TTC16: variants seen among roughly 807,000 people sequenced by gnomAD.
The protein encoded by TTC16 is tetratricopeptide repeat protein 16.
A neutral mutation model predicts 80.4 loss-of-function variants in TTC16; 66 were observed. That is an observed-to-expected ratio of 0.82 (90% CI 0.67 to 1.01). TTC16 has a LOEUF of 1.01. Among genes scored for constraint, TTC16 ranks in the 50% least tolerant of loss-of-function variants. The pLI, the probability that TTC16 is intolerant of heterozygous loss-of-function variation, is 0.00. For synonymous variants in TTC16, 438 were observed against 451.3 expected (o/e 0.97, Z 0.37); for missense variants, 1,070 against 1,103.2 (o/e 0.97, Z 0.43).
chr9:127,727,230 C>A (rs375908695), intron 11 of TTC16, 40 bp from the exon 12 acceptor site: 9 of 1,533,982 alleles, frequency 5.9e-6, no homozygotes, highest in Non-Finnish European at 7.9e-6. Flanking sequence ...CCAGCATGGG[C>A]CAGGGAGACT....
In TTC16 at chr9:127,716,157, G is replaced by A. The variant is rs1842987021; in HGVS notation, c.12G>A (p.Ser4=). 6.2e-7 allele frequency: 1 copy of A among 1,613,946 alleles called. No homozygotes were observed. Among genetic ancestry groups the A allele is most frequent in the Non-Finnish European group, 8.5e-7 (1 of 1,180,012 alleles). The change falls in exon 1 of 14, where the codon TCG becomes TCA. Residue 4 remains serine (S), a synonymous_variant. Transcript: ENST00000373289. ...CTGGAAGGGGCCTCATGACAGATTCGGACGAGGTGCGGGCTTGGGAGAAGA... is the reference window on the plus strand; with the variant it reads ...CTGGAAGGGGCCTCATGACAGATTCAGACGAGGTGCGGGCTTGGGAGAAGA... MTD[S]DEDALKVDQG...
In TTC16 at chr9:127,730,714, C is replaced by T. The variant is rs1844346954; in HGVS notation, c.1931C>T (p.Thr644Ile). The T allele has an allele frequency of 5.6e-6, 9 of 1,613,542 alleles. No homozygotes were observed. Among genetic ancestry groups the T allele is most frequent in the Non-Finnish European group, 7.6e-6 (9 of 1,180,038 alleles). ...EYRSTSATAV[T>I]FSDSSLLKTQ... ...AGGAGCACCTCAGCCACCGCCGTGA[C>T]ATTCTCTGACTCGTCACTGTTGAAG... The change falls in exon 14 of 14, where the codon ACA (threonine) becomes ATA (isoleucine). Residue 644 changes from threonine (T) to isoleucine (I), a missense_variant. Transcript: ENST00000373289.
At chr9:127,725,640 C>T (rs186319489) in intron 9 of TTC16, among the ~76,000 whole-genome samples, 8 of 151,226 alleles carry the variant, frequency 5.3e-5, no homozygotes, top group Non-Finnish European at 7.4e-5. Context: ...CACTCTGTTG[C>T]CCAGACTGGA....
rs187424625 is a variant in TTC16, at chr9:127,718,419, T to C, written c.426+647T>C. Among the ~76,000 whole-genome samples the C allele has an allele frequency of 7.5e-4, 114 of 152,218 alleles. No homozygotes were observed. The highest frequency in any genetic ancestry group is 1.3e-3 in the Non-Finnish European group (90 of 68,002). On this transcript the variant is annotated intron_variant, in intron 4 of 13. Coordinates refer to ENST00000373289, the MANE Select transcript of TTC16 (RefSeq NM_144965.3). This position sits in a 1 kb window ranked among gnomAD's most constrained non-coding sequence, Gnocchi z 4.6. ...TTTTATTTTAATTAATTTAAATGTG[T>C]ATAGCCACACAAAGCTAGTGGCTAT...
intron 12 of TTC16, 158 bp downstream of exon 12, chr9:127,727,623 A>T: frequency 1.4e-6 from 2 of 1,389,348 alleles, no homozygotes; most frequent in Non-Finnish European, 1.9e-6. Flanking sequence ...TTGCTATGAG[A>T]TGGGGATGGT....
At position 127,717,345 on chromosome 9, in the gene TTC16, G is replaced by A; in HGVS notation, c.203G>A (p.Gly68Asp). Residue 68 changes from glycine to aspartate, a missense_variant, in exon 3 of 14, where the codon GGC (glycine) becomes GAC (aspartate). Transcript: ENST00000373289. ...CACTTTCCCCACAGCTACTCCAGAG[G>A]CCAGCAGTGCTTGGAGCAGGCAGAC... ...PLKVREYYSR[G>D]QQCLEQADWE... 6.2e-7 allele frequency: 1 copy of A among 1,611,144 alleles called. No homozygotes were observed. The highest frequency in any genetic ancestry group is 1.1e-5 in the South Asian group (1 of 91,078).
Position 127,729,688 on chromosome 9 carries a change from G to A in TTC16, c.1852+20G>A, listed in dbSNP as rs370229993. On this transcript the variant is annotated intron_variant, in intron 13 of 13. Transcript: ENST00000373289. ...TGAGCTGTAAGTCCCTGGTGCTTCCGCCAGGCCTCAGGAAGCTAAGGCAGC... is the reference window on the plus strand; with the variant it reads ...TGAGCTGTAAGTCCCTGGTGCTTCCACCAGGCCTCAGGAAGCTAAGGCAGC... 4.5e-5 allele frequency: 72 copies of A among 1,608,332 alleles called. No homozygotes were observed. Among genetic ancestry groups the A allele is most frequent in the South Asian group, 7.7e-5 (7 of 91,000 alleles).
In TTC16 at chr9:127,729,828, C is replaced by T. The variant is rs534493223; in HGVS notation, c.1852+160C>T. ...CTCTAGAGCGGGAGTAACACTGTTG[C>T]GGGGCTGCCCAGGACGAGGTGAGGC... is the stretch of plus-strand genomic sequence containing the variant. On this transcript the variant is annotated intron_variant, in intron 13 of 13. Transcript: ENST00000373289. The T allele has an allele frequency of 5.1e-4, 323 of 631,636 alleles. 3 individuals carry two copies. The Middle Eastern group carries it at 8.5e-3, about 17-fold the overall frequency. 39.1% of individuals were successfully genotyped at this position (631,636 alleles called of 1,614,324 possible). A position where few individuals can be genotyped will look rare whatever the true frequency, so the allele number is the denominator to read the frequency against.
intron 7 of TTC16, among the ~76,000 whole-genome samples, chr9:127,723,884 C>T (rs1843687666): frequency 7.1e-6 from 1 of 141,164 alleles, no homozygotes. Context: ...CACCTGGCTC[C>T]CAAAAAAGAA....
chr9:127,726,773 G>A (rs1271430199), intron 10 of TTC16, among the ~76,000 whole-genome samples, 197 bp from the exon 11 acceptor site: 1 of 138,586 alleles, frequency 7.2e-6, no homozygotes, highest in Non-Finnish European at 1.5e-5. Flanking sequence ...GGGCGATAGA[G>A]TGAGACTCTG....
chr9:127,729,335 A>C, intron 12 of TTC16: 1 of 466,812 alleles, frequency 2.1e-6, no homozygotes, highest in South Asian at 2.6e-5. Context: ...CAGTTGAAAA[A>C]AACCAAGGCG....
intron 4 of TTC16, 36 bp from the exon 5 acceptor site, chr9:127,720,042 G>T (rs768173077): frequency 6.3e-7 from 1 of 1,599,450 alleles, no homozygotes; most frequent in African/African-American, 1.3e-5. Context: ...CTGGGCTGGG[G>T]TGGCAAGCAG....
At position 127,717,423 on chromosome 9, in the gene TTC16, T is replaced by C. The variant is rs940456590; in HGVS notation, c.281T>C (p.Leu94Pro). ...FSRALHLDPQ[L>P]VDFYALRAEA... ...CGCGCACTCCACCTGGACCCACAGC[T>C]GGTGAGAGGCAGACCTGGGTGGGCA... is the stretch of plus-strand genomic sequence containing the variant. Residue 94 changes from leucine (L) to proline (P), a missense_variant and splice_region_variant, in exon 3 of 14, where the codon CTG becomes CCG. Leu to Pro is a moderately conservative substitution (Grantham distance 98, BLOSUM62 -3). Coordinates refer to ENST00000373289, the MANE Select transcript of TTC16 (RefSeq NM_144965.3). The C allele has an allele frequency of 1.2e-6, 2 of 1,611,826 alleles. No individual in the cohort carries two copies. Among genetic ancestry groups the C allele is most frequent in the African/African-American group, 2.7e-5 (2 of 74,920 alleles).
At chr9:127,727,617 T>A in intron 12 of TTC16, 152 bp downstream of exon 12, 1 of 1,397,924 alleles carries the variant, frequency 7.2e-7, no homozygotes, top group Non-Finnish European at 9.3e-7. Flanking sequence ...GACATCTTGC[T>A]ATGAGATGGG....
intron 12 of TTC16, chr9:127,728,207 G>T (rs1015028498): frequency 5.9e-5 from 9 of 152,176 alleles, no homozygotes; most frequent in Admixed American, 4.6e-4. Context: ...AGCCCCTTGG[G>T]GCCCCCTTCG....
Position 127,731,298 on chromosome 9 carries a change from C to G in TTC16, c.2515C>G (p.Gln839Glu), listed in dbSNP as rs762740669. ...GGCTGAGGGTGCCCAGGGCAAGAGC[C>G]AGGGCATGAGCTCAACTTCCAGCAA... ...SKAEGAQGKS[Q>E]GMSSTSSKAE... is the part of the protein sequence containing the mutation. The change falls in exon 14 of 14, where the codon CAG becomes GAG. Residue 839 changes from glutamine to glutamate, a missense_variant. Transcript: ENST00000373289. 9 of 1,613,104 alleles carry G rather than the reference C, an allele frequency of 5.6e-6. No individual in the cohort carries two copies. The highest frequency in any genetic ancestry group is 7.6e-6 in the Non-Finnish European group (9 of 1,180,048).
intron 1 of TTC16, chr9:127,716,488 C>T (rs1308254537): frequency 3.7e-6 from 2 of 539,124 alleles, no homozygotes; most frequent in Non-Finnish European, 6.7e-6. Flanking sequence ...CTGTAGGACC[C>T]CCAAGGCCTG....
chr9:127,727,374 C>T lies in TTC16; in HGVS notation c.1673C>T (p.Thr558Ile). 1.9e-6 allele frequency: 3 copies of T among 1,611,436 alleles called. No individual in the cohort carries two copies. In the African/African-American group the frequency reaches 4.0e-5, roughly 21 times the overall value. ...LIATSEELKATPEIPQVKPGS... is the reference protein window; with the variant it reads ...LIATSEELKAIPEIPQVKPGS... ...GCGACCTCCGAGGAGCTGAAGGCCA[C>T]CCCTGAGATTCCGCAGGTAAAACCG... The change falls in exon 12 of 14, where the codon ACC becomes ATC. Residue 558 changes from threonine (T) to isoleucine (I), a missense_variant. Coordinates refer to ENST00000373289, the MANE Select transcript of TTC16 (RefSeq NM_144965.3).
intron 6 of TTC16, among the ~76,000 whole-genome samples, chr9:127,720,840 C>A: frequency 1.1e-3 from 1 of 934 alleles, no homozygotes; most frequent in Non-Finnish European, 2.1e-3. Flanking sequence ...CTTCCCTCCT[C>A]CCTTCCTCCC....
Sources: gnomAD v4.1 joint callset for allele counts (sites outside exome capture counted in the v4.1 genomes callset) on GRCh38, gnomAD v4.1.1 for gene constraint, Gnocchi (gnomAD v3.1) non-coding constraint, MANE v1.5 for transcripts, NCBI Gene and HGNC (gene_info 2026-07-23, HGNC 2026-07-21) for gene names.